Variants in NTSR1 observed in about 807,000 individuals in gnomAD.
NTSR1 encodes neurotensin receptor type 1.
Under a neutral mutation model 31.2 loss-of-function variants are expected in NTSR1, and 29 were observed. The observed-to-expected ratio is 0.93, with a 90% CI of 0.69 to 1.27. The LOEUF is 1.27. Ranked by LOEUF, NTSR1 falls within the 50% of genes most tolerant of loss-of-function variation. NTSR1 has a pLI of 0.00. For synonymous variants in NTSR1, 282 were observed against 269.9 expected, an observed-to-expected ratio of 1.04 and a Z score of -0.44; for missense variants, 697 against 595.4, an observed-to-expected ratio of 1.17 and a Z score of -1.78.
At chr20:62,750,930 C>T (rs1371922563) in intron 1 of NTSR1, among the ~76,000 whole-genome samples, 1 of 152,154 alleles carries the variant, frequency 6.6e-6, no homozygotes, top group Non-Finnish European at 1.5e-5. Context: ...GGCTGGAGTG[C>T]AGTGGCGAAG....
rs1368126278 is a variant in NTSR1, at chr20:62,709,616, G to A, written c.409G>A (p.Gly137Ser). 1.9e-6 allele frequency: 3 copies of A among 1,611,796 alleles called. No individual in the cohort carries two copies. Among genetic ancestry groups the A allele is most frequent in the South Asian group, 1.1e-5 (1 of 91,078 alleles). Residue 137 changes from glycine (G) to serine (S), a missense_variant, in exon 1 of 4, where the codon GGC becomes AGC. By Grantham distance (56) the Gly-to-Ser change is moderately conservative. Coordinates refer to ENST00000370501, the MANE Select transcript of NTSR1 (RefSeq NM_002531.3). The stretch of plus-strand genomic sequence containing the variant: ...CTGGGTGCACCACCCCTGGGCCTTC[G>A]GCGACGCCGGCTGCCGCGGCTACTA... ...FIWVHHPWAFGDAGCRGYYFL... is the reference protein window; with the variant it reads ...FIWVHHPWAFSDAGCRGYYFL...
At chr20:62,721,498 G>T (rs565203263) in intron 1 of NTSR1, among the ~76,000 whole-genome samples, 2 of 152,220 alleles carry the variant, frequency 1.3e-5, no homozygotes, top group Non-Finnish European at 2.9e-5. Flanking sequence ...TGCCGCTTTT[G>T]TCTCACTGTC....
intron 1 of NTSR1, among the ~76,000 whole-genome samples, chr20:62,716,773 C>T (rs1201040965): frequency 6.6e-6 from 1 of 152,186 alleles, no homozygotes; most frequent in Non-Finnish European, 1.5e-5. Flanking sequence ...TCCCGGCAGC[C>T]CCTCGCTCCC....
Position 62,742,475 on chromosome 20 carries a change from TGGGA to T in NTSR1, c.715-12203_715-12200del, listed in dbSNP as rs1989222302. Among the ~76,000 whole-genome samples, 1 of 149,496 alleles carries T rather than the reference TGGGA, an allele frequency of 6.7e-6. No individual in the cohort carries two copies. Among genetic ancestry groups the T allele is most frequent in the Non-Finnish European group, 1.5e-5 (1 of 68,006 alleles). On this transcript the variant is annotated intron_variant, in intron 1 of 3. Transcript: ENST00000370501. The surrounding 1 kb of genome is among the most constrained non-coding windows in gnomAD (Gnocchi z 7.1). ...CCGGGCCTGGTACTGCTTAGATGCCTGGGAGGGAGGACCGAGGAAAGAGACTGGG... is the reference window on the plus strand; with the variant it reads ...CCGGGCCTGGTACTGCTTAGATGCCTGGGAGGACCGAGGAAAGAGACTGGG...
At chr20:62,718,063 T>TG (rs1473252502) in intron 1 of NTSR1, among the ~76,000 whole-genome samples, 3 of 151,774 alleles carry the variant, frequency 2.0e-5, no homozygotes, top group Non-Finnish European at 4.4e-5. Flanking sequence ...AGGCACGTGC[T>TG]GGGGGTGCTG....
At chr20:62,754,648 T>G in intron 1 of NTSR1, 37 bp from the exon 2 acceptor site, 1 of 1,565,456 alleles carries the variant, frequency 6.4e-7, no homozygotes, top group South Asian at 1.1e-5. Flanking sequence ...TGAGTCCCGC[T>G]GCTGGCTCTG....
chr20:62,737,342 C>G (rs1427859628), intron 1 of NTSR1, among the ~76,000 whole-genome samples: 1 of 152,242 alleles, frequency 6.6e-6, no homozygotes, highest in Admixed American at 6.5e-5. Flanking sequence ...CACAGTGACT[C>G]ACTCTCTGGA....
At chr20:62,739,916 A>G (rs1042731232) in intron 1 of NTSR1, among the ~76,000 whole-genome samples, 19 of 152,348 alleles carry the variant, frequency 1.2e-4, no homozygotes, top group African/African-American at 4.1e-4. Flanking sequence ...TCTTTTCCAA[A>G]TCTGTGCTCT....
At chr20:62,716,654 G>T (rs923667776) in intron 1 of NTSR1, among the ~76,000 whole-genome samples, 1 of 152,218 alleles carries the variant, frequency 6.6e-6, no homozygotes, top group Non-Finnish European at 1.5e-5. Flanking sequence ...GCTGCCGTCC[G>T]CTCAAGGCTG....
chr20:62,719,504 C>T (rs753817257), intron 1 of NTSR1, among the ~76,000 whole-genome samples: 23 of 151,258 alleles, frequency 1.5e-4, no homozygotes, highest in Admixed American at 3.9e-4. Context: ...CATCGTCATG[C>T]GACCATCTCC....
At position 62,761,288 on chromosome 20, in the gene NTSR1, A is replaced by G. The variant is rs1044472647; in HGVS notation, c.*1021A>G. 6 of 152,292 alleles carry G rather than the reference A, an allele frequency of 3.9e-5. No homozygotes were observed. Among genetic ancestry groups the G allele is most frequent in the African/African-American group, 1.4e-4 (6 of 41,436 alleles). The allele number at this position is 152,292 out of a possible 1,614,324, so 9.4% of individuals were successfully genotyped here. ...CGATGGTGCCTGGTCTCTGAGTAAG[A>G]TGCCAGGTCCCAGGAACTCAGGCTT... On this transcript the variant is annotated 3_prime_UTR_variant, in exon 4 of 4. Transcript: ENST00000370501.
Position 62,754,863 on chromosome 20 carries a change from T to C in NTSR1, c.893T>C (p.Leu298Pro). 6.2e-7 allele frequency: 1 copy of C among 1,603,948 alleles called. No individual in the cohort carries two copies. The highest frequency in any genetic ancestry group is 8.5e-7 in the Non-Finnish European group (1 of 1,178,574). ...MAIEPGRVQA[L>P]RHGVRVLRAV... ...ATCGAGCCTGGCAGGGTCCAGGCCC[T>C]GCGGCACGGCGTGCGCGTCCTACGT... is the stretch of plus-strand genomic sequence containing the variant. Residue 298 changes from leucine to proline, a missense_variant, in exon 2 of 4, where the codon CTG (leucine) becomes CCG (proline). Physicochemically the swap from Leu to Pro is moderately conservative, Grantham distance 98 (BLOSUM62 -3). Transcript: ENST00000370501.
At chr20:62,750,798 G>T (rs1444078225) in intron 1 of NTSR1, among the ~76,000 whole-genome samples, 1 of 152,064 alleles carries the variant, frequency 6.6e-6, no homozygotes, top group African/African-American at 2.4e-5. Context: ...GTGAGGTGAC[G>T]GATGTTTCAT....
chr20:62,711,715 G>GC lies in NTSR1; in HGVS notation c.714+1800dup, dbSNP rs968740324. On this transcript the variant is annotated intron_variant, in intron 1 of 3. Coordinates refer to ENST00000370501, the MANE Select transcript of NTSR1 (RefSeq NM_002531.3). The surrounding 1 kb of genome is among the most constrained non-coding windows in gnomAD (Gnocchi z 6.4). ...AGGGGCGTGAGGACAGCTCGGCTCC[G>GC]CCCCCCGGAAAGTGTCCTCCCCGCG... 1.4e-4 allele frequency among the ~76,000 whole-genome samples: 21 copies of GC among 152,020 alleles called. No homozygotes were observed. Among genetic ancestry groups the GC allele is most frequent in the Admixed American group, 4.6e-4 (7 of 15,262 alleles).
At chr20:62,738,510 G>A (rs1440617480) in intron 1 of NTSR1, among the ~76,000 whole-genome samples, 2 of 152,242 alleles carry the variant, frequency 1.3e-5, no homozygotes, top group Non-Finnish European at 2.9e-5. Flanking sequence ...CACCAGCGAA[G>A]TATCATGAAA....
chr20:62,757,242 AT>A (rs1989527460), intron 2 of NTSR1, among the ~76,000 whole-genome samples: 1 of 152,174 alleles, frequency 6.6e-6, no homozygotes, highest in Non-Finnish European at 1.5e-5. Flanking sequence ...CTTCAAGTCC[AT>A]TTTTGTATAT....
rs1326771560 is a variant in NTSR1 at position 62,709,800 on chromosome 20, T to G, written c.593T>G (p.Leu198Arg). The G allele has an allele frequency of 6.2e-7, 1 of 1,612,686 alleles. No homozygotes were observed. The highest frequency in any genetic ancestry group is 8.5e-7 in the Non-Finnish European group (1 of 1,179,906). Residue 198 changes from leucine (L) to arginine (R), a missense_variant, in exon 1 of 4, where the codon CTG becomes CGG. Coordinates refer to ENST00000370501, the MANE Select transcript of NTSR1 (RefSeq NM_002531.3). ...AGCGCCATCTGGCTCGCCTCGGCCC[T>G]GCTGGCGGTGCCTATGCTGTTCACC... ...FISAIWLASA[L>R]LAVPMLFTMG...
At chr20:62,719,470 T>C (rs78708131) in intron 1 of NTSR1, among the ~76,000 whole-genome samples, 15 of 25,526 alleles carry the variant, frequency 5.9e-4, no homozygotes, top group South Asian at 5.6e-3. Context: ...CGTCATACGA[T>C]CATCCCCACC....
chr20:62,725,202 A>AG (rs1275118373), intron 1 of NTSR1, among the ~76,000 whole-genome samples: 2 of 152,222 alleles, frequency 1.3e-5, no homozygotes, highest in African/African-American at 2.4e-5. Context: ...AGGAACAGGA[A>AG]GGGGCTGGAA....
Sources: allele counts gnomAD v4.1 joint callset (sites outside exome capture counted in the v4.1 genomes callset), GRCh38; gene constraint gnomAD v4.1.1; non-coding constraint Gnocchi (gnomAD v3.1); transcripts MANE v1.5; gene names NCBI Gene and HGNC (gene_info 2026-07-23, HGNC 2026-07-21).